The following PLXDC2 variants were observed in gnomAD, a reference collection of about 807,000 sequenced individuals.
PLXDC2 encodes plexin domain containing 2.
In PLXDC2, 40 loss-of-function variants were observed where a neutral mutation model predicts 68.9. The observed-to-expected ratio is 0.58, with a 90% confidence interval of 0.45 to 0.76. The LOEUF (loss-of-function observed/expected upper bound fraction) is 0.76. PLXDC2 is among the 30% of genes least tolerant of loss of function. The pLI, the probability that PLXDC2 is intolerant of heterozygous loss-of-function variation, is 0.00. For synonymous variants in PLXDC2, 243 were observed against 234.2 expected, an observed-to-expected ratio of 1.04 and a Z score of -0.34; for missense variants, 644 against 661.9, an observed-to-expected ratio of 0.97 and a Z score of 0.30.
intron 1 of PLXDC2, among the ~76,000 whole-genome samples, chr10:19,864,569 A>G (rs886687223): frequency 6.6e-5 from 10 of 152,204 alleles, no homozygotes; most frequent in Admixed American, 6.5e-4. Flanking sequence ...CTAAAGCTTC[A>G]GGGGAAGTGC....
chr10:20,076,040 A>G (rs567297119), intron 4 of PLXDC2, among the ~76,000 whole-genome samples: 1 of 152,342 alleles, frequency 6.6e-6, no homozygotes, highest in Admixed American at 6.5e-5. Context: ...AGTAATTCAG[A>G]TAAATAGCAA....
chr10:20,145,542 A>G (rs541709516), intron 5 of PLXDC2, among the ~76,000 whole-genome samples: 1 of 152,120 alleles, frequency 6.6e-6, no homozygotes, highest in Non-Finnish European at 1.5e-5. Context: ...TGCAAACAGT[A>G]CACTTTTTTT....
chr10:19,906,186 G>T (rs1833154398), intron 1 of PLXDC2, among the ~76,000 whole-genome samples: 1 of 152,074 alleles, frequency 6.6e-6, no homozygotes, highest in Non-Finnish European at 1.5e-5. Context: ...GTGTGCATGT[G>T]TATGTGCACA....
intron 3 of PLXDC2, among the ~76,000 whole-genome samples, chr10:20,047,239 C>A (rs1835813091): frequency 2.0e-5 from 3 of 152,018 alleles, no homozygotes; most frequent in Admixed American, 2.0e-4. Flanking sequence ...GATAAACTGC[C>A]ATTAATTGAA....
At chr10:20,183,670 C>G (rs989246608) in intron 9 of PLXDC2, among the ~76,000 whole-genome samples, 1 of 151,934 alleles carries the variant, frequency 6.6e-6, no homozygotes, top group African/African-American at 2.4e-5. Context: ...CAATACCCAA[C>G]ACAGTGTCTG....
chr10:19,907,968 T>A (rs1424589260), intron 1 of PLXDC2, among the ~76,000 whole-genome samples: 1 of 152,194 alleles, frequency 6.6e-6, no homozygotes, highest in South Asian at 2.1e-4. Context: ...ATCTCATGCT[T>A]CAAAATCTTT....
chr10:19,897,207 C>G (rs1838072275), intron 1 of PLXDC2, among the ~76,000 whole-genome samples: 1 of 151,226 alleles, frequency 6.6e-6, no homozygotes, highest in Non-Finnish European at 1.5e-5. Flanking sequence ...GTCTCCATGT[C>G]TCTTCCATGA....
At chr10:19,845,491 C>T (rs1442087662) in intron 1 of PLXDC2, among the ~76,000 whole-genome samples, 3 of 152,148 alleles carry the variant, frequency 2.0e-5, no homozygotes, top group Non-Finnish European at 4.4e-5. Flanking sequence ...TAAGTCATGC[C>T]ATGTCAGGAG....
chr10:20,194,190 CTGTGTGTGTGTGTGTG>C (rs58142621), intron 9 of PLXDC2, among the ~76,000 whole-genome samples: 17 of 143,738 alleles, frequency 1.2e-4, no homozygotes, highest in Non-Finnish European at 2.3e-4. Context: ...TTGAACTCAG[CTGTGTGTGTGTGTGTG>C]TGTGTGTGTG....
At chr10:19,856,245 C>T (rs1210404996) in intron 1 of PLXDC2, among the ~76,000 whole-genome samples, 1 of 152,034 alleles carries the variant, frequency 6.6e-6, no homozygotes, top group Non-Finnish European at 1.5e-5. Flanking sequence ...CATATATATG[C>T]TTTTCTCGAT....
intron 2 of PLXDC2, among the ~76,000 whole-genome samples, chr10:20,027,062 C>T (rs975303176): frequency 7.3e-6 from 1 of 136,836 alleles, no homozygotes; most frequent in African/African-American, 2.7e-5. Context: ...ATATAGAATA[C>T]ACTTTTATAA....
At chr10:20,012,595 G>A (rs1835139597) in intron 2 of PLXDC2, among the ~76,000 whole-genome samples, 1 of 151,426 alleles carries the variant, frequency 6.6e-6, no homozygotes, top group Admixed American at 6.6e-5. Flanking sequence ...CAAAGTGCTG[G>A]GATTATACGC....
At chr10:20,097,079 T>C (rs1833359466) in intron 4 of PLXDC2, among the ~76,000 whole-genome samples, 2 of 152,288 alleles carry the variant, frequency 1.3e-5, no homozygotes, top group African/African-American at 4.8e-5. Flanking sequence ...CGAGTTCTGA[T>C]GGGCCCACTG....
intron 1 of PLXDC2, among the ~76,000 whole-genome samples, chr10:19,846,902 C>T (rs1277992427): frequency 6.6e-6 from 1 of 152,090 alleles, no homozygotes; most frequent in East Asian, 1.9e-4. Flanking sequence ...GGAGGTGTCA[C>T]AATCATGGCA....
intron 1 of PLXDC2, among the ~76,000 whole-genome samples, chr10:19,932,642 T>G (rs1288346206): frequency 2.6e-5 from 4 of 152,232 alleles, no homozygotes; most frequent in African/African-American, 9.6e-5. Flanking sequence ...AAGATAGCTC[T>G]CCATGCAAAA....
chr10:19,853,708 G>A (rs374309020), intron 1 of PLXDC2, among the ~76,000 whole-genome samples: 3 of 152,056 alleles, frequency 2.0e-5, no homozygotes, highest in East Asian at 1.9e-4. Flanking sequence ...GAAAATGAGG[G>A]GTGAAGAGAC....
At chr10:20,028,142 T>C (rs994115526) in intron 2 of PLXDC2, among the ~76,000 whole-genome samples, 1 of 152,210 alleles carries the variant, frequency 6.6e-6, no homozygotes, top group African/African-American at 2.4e-5. Context: ...TTTCAGCTAA[T>C]TGGTGTTACT....
At chr10:19,946,468 A>C (rs1833902567) in intron 1 of PLXDC2, among the ~76,000 whole-genome samples, 1 of 151,768 alleles carries the variant, frequency 6.6e-6, no homozygotes, top group Non-Finnish European at 1.5e-5. Flanking sequence ...TCTGTTACTT[A>C]CATGGCTAAG....
intron 1 of PLXDC2, among the ~76,000 whole-genome samples, chr10:19,997,734 A>C (rs1460044467): frequency 6.6e-6 from 1 of 152,206 alleles, no homozygotes; most frequent in East Asian, 1.9e-4. Flanking sequence ...TGCAAAGAAT[A>C]ATATGAGAAT....
Sources: gnomAD v4.1 joint callset for allele counts (sites outside exome capture counted in the v4.1 genomes callset) on GRCh38, gnomAD v4.1.1 for gene constraint, MANE v1.5 for transcripts, NCBI Gene and HGNC (gene_info 2026-07-23, HGNC 2026-07-21) for gene names.